Variants in SYNM observed in about 807,000 individuals in gnomAD.
SYNM encodes synemin, also known as desmuslin.
Under a neutral mutation model 104.0 loss-of-function variants are expected in SYNM, and 95 were observed. The observed-to-expected ratio is 0.91, with a 90% CI of 0.77 to 1.08. The LOEUF (loss-of-function observed/expected upper bound fraction) is 1.08. Ranked by LOEUF, SYNM falls within the 50% of genes least tolerant of loss-of-function variation. The probability of loss-of-function intolerance (pLI) is 0.00; values close to 1 mark genes in which losing one functional copy is unlikely to be tolerated. For synonymous variants in SYNM, 918 were observed against 869.0 expected, an observed-to-expected ratio of 1.06 and a Z score of -0.99; for missense variants, 2,150 against 2,052.2, an observed-to-expected ratio of 1.05 and a Z score of -0.92.
chr15:99,119,872 A>AC (rs1555484344), intron 2 of SYNM, among the ~76,000 whole-genome samples: 1 of 152,340 alleles, frequency 6.6e-6, no homozygotes, highest in Non-Finnish European at 1.5e-5. Flanking sequence ...ACATGCGACT[A>AC]CATTTGCTTT....
At position 99,131,621 on chromosome 15, in the gene SYNM, TCA is replaced by T. The variant is rs781852118; in HGVS notation, c.3264_3265del (p.His1088GlnfsTer45). The T allele has an allele frequency of 2.5e-6, 4 of 1,610,652 alleles. No homozygotes were observed. The highest frequency in any genetic ancestry group is 3.4e-6 in the Non-Finnish European group (4 of 1,179,594). ...AGAGCGAGGTTGCTGGTGGGGCCTC[TCA>T]CAGCTCGGGACAGCGCACTCCCCAG... Reference protein sequence around the residue: ...GESEVAGGASHSSGQRTPQGP... With the variant: ...GESEVAGGASXSSGQRTPQGP... On this transcript the variant is annotated frameshift_variant, in exon 4 of 4. Coordinates refer to ENST00000336292, the MANE Select transcript of SYNM (RefSeq NM_145728.3). LOFTEE classifies it high-confidence loss of function. The surrounding 1 kb of genome is among the most constrained non-coding windows in gnomAD (Gnocchi z 4.3).
At chr15:99,127,104 C>T (rs1555485115) in intron 3 of SYNM, among the ~76,000 whole-genome samples, 1 of 152,098 alleles carries the variant, frequency 6.6e-6, no homozygotes, top group African/African-American at 2.4e-5. Context: ...TGTTTCACAC[C>T]CCTGGAAGGG....
rs2067493622 is a variant in SYNM at position 99,130,716 on chromosome 15, G to C, written c.2356G>C (p.Glu786Gln). 6.2e-7 allele frequency: 1 copy of C among 1,613,580 alleles called. No individual in the cohort carries two copies. Among genetic ancestry groups the C allele is most frequent in the African/African-American group, 1.3e-5 (1 of 74,896 alleles). ...VSPGPWGLVKEEEGYGESDVT... is the reference protein window; with the variant it reads ...VSPGPWGLVKQEEGYGESDVT... ...GCCAGGCCCCTGGGGGTTGGTTAAG[G>C]AGGAGGAAGGTTATGGAGAAAGCGA... Residue 786 changes from glutamate to glutamine, a missense_variant, in exon 4 of 4, where the codon GAG becomes CAG. Physicochemically the swap from Glu to Gln is conservative, Grantham distance 29 (BLOSUM62 2). Transcript: ENST00000336292.
chr15:99,139,010 C>T, downstream of SYNM: 1 of 432,132 alleles, frequency 2.3e-6, no homozygotes. Context: ...AGCAGGGCTG[C>T]AGGAGGCCAC....
chr15:99,139,935 C>T (rs2068033074), downstream of SYNM: 3 of 351,508 alleles, frequency 8.5e-6, no homozygotes, highest in Non-Finnish European at 1.6e-5. Context: ...TAAGTCTTGC[C>T]ATTTGATTGC....
chr15:99,127,745 C>T (rs999670486), intron 3 of SYNM, among the ~76,000 whole-genome samples: 4 of 152,170 alleles, frequency 2.6e-5, no homozygotes, highest in African/African-American at 9.7e-5. Context: ...CATCAGTTAA[C>T]GTGTGACATC....
chr15:99,105,307 C>T lies in SYNM; in HGVS notation c.108C>T (p.Asn36=), dbSNP rs782371296. 8 of 1,547,744 alleles carry T rather than the reference C, an allele frequency of 5.2e-6. No homozygotes were observed. The Admixed American group carries it at 7.8e-5, about 15-fold the overall frequency. ...GGGTGCGGGAGCTGGAGCGCGAAAACCTACTCCTGGAGGAGGAGCTGCGCG... is the reference window on the plus strand; with the variant it reads ...GGGTGCGGGAGCTGGAGCGCGAAAATCTACTCCTGGAGGAGGAGCTGCGCG... ...VCRVRELERE[N]LLLEEELRGR... The change falls in exon 1 of 4, where the codon AAC becomes AAT. Residue 36 remains asparagine, a synonymous_variant. Coordinates refer to ENST00000336292, the MANE Select transcript of SYNM (RefSeq NM_145728.3).
chr15:99,138,835 T>C (rs1398207623), downstream of SYNM, among the ~76,000 whole-genome samples: 2 of 152,218 alleles, frequency 1.3e-5, no homozygotes, highest in Admixed American at 6.5e-5. Context: ...CAGGCAGCCC[T>C]GGGGCTGCTC....
At position 99,129,869 on chromosome 15, in the gene SYNM, A is replaced by G. The variant is rs1555485476; in HGVS notation, c.1509A>G (p.Lys503=). 6.2e-7 allele frequency: 1 copy of G among 1,613,578 alleles called. No individual in the cohort carries two copies. Among genetic ancestry groups the G allele is most frequent in the Non-Finnish European group, 8.5e-7 (1 of 1,179,728 alleles). ...TVILGKKTEV[K]ATREQERNRP... is the part of the protein sequence containing the mutation. ...TTCTGGGAAAGAAAACAGAAGTGAAAGCCACGAGGGAGCAAGAAAGAAACA... is the reference window on the plus strand; with the variant it reads ...TTCTGGGAAAGAAAACAGAAGTGAAGGCCACGAGGGAGCAAGAAAGAAACA... The change falls in exon 4 of 4, where the codon AAA becomes AAG. Residue 503 remains lysine (K), a synonymous_variant. Coordinates refer to ENST00000336292, the MANE Select transcript of SYNM (RefSeq NM_145728.3).
intron 3 of SYNM, among the ~76,000 whole-genome samples, chr15:99,128,200 G>T (rs1175250782): frequency 1.3e-5 from 2 of 152,198 alleles, no homozygotes; most frequent in African/African-American, 4.8e-5. Context: ...TAAATATACA[G>T]ATAAGTTCCT....
At position 99,131,958 on chromosome 15, in the gene SYNM, T is replaced by C. The variant is rs782574775; in HGVS notation, c.3598T>C (p.Trp1200Arg). The C allele has an allele frequency of 2.5e-6, 4 of 1,612,410 alleles. No homozygotes were observed. In the South Asian group the frequency reaches 4.4e-5, roughly 18 times the overall value. The change falls in exon 4 of 4, where the codon TGG (tryptophan) becomes CGG (arginine). Residue 1200 changes from tryptophan to arginine, a missense_variant. Coordinates refer to ENST00000336292, the MANE Select transcript of SYNM (RefSeq NM_145728.3). The surrounding 1 kb of genome is among the most constrained non-coding windows in gnomAD (Gnocchi z 4.3). ...CCCTGCCCCTGCCTGTCCAGAGGCA[T>C]GGGGCTCGCCAGAACCTGGCCCAGC... is the stretch of plus-strand genomic sequence containing the variant. ...LGPAPACPEA[W>R]GSPEPGPAES...
At chr15:99,112,398 A>G (rs2067306823) in intron 1 of SYNM, among the ~76,000 whole-genome samples, 1 of 152,260 alleles carries the variant, frequency 6.6e-6, no homozygotes, top group African/African-American at 2.4e-5. Flanking sequence ...GAATAAAACA[A>G]AACTGGAAAT....
chr15:99,109,016 C>A (rs2067275593), intron 1 of SYNM, among the ~76,000 whole-genome samples: 1 of 152,164 alleles, frequency 6.6e-6, no homozygotes, highest in Non-Finnish European at 1.5e-5. Flanking sequence ...TGCCCCCCTC[C>A]CCTGGAGGCA....
At chr15:99,113,098 A>G (rs184871691) in intron 1 of SYNM, among the ~76,000 whole-genome samples, 1 of 152,346 alleles carries the variant, frequency 6.6e-6, no homozygotes, top group African/African-American at 2.4e-5. Flanking sequence ...TAGCTTTTCT[A>G]AGTGAAACAA....
Position 99,134,278 on chromosome 15 carries a change from G to A in SYNM, c.*1220G>A, listed in dbSNP as rs529632524. 2.0e-5 allele frequency: 3 copies of A among 152,002 alleles called. No individual in the cohort carries two copies. Among genetic ancestry groups the A allele is most frequent in the East Asian group, 3.9e-4 (2 of 5,154 alleles). 9.4% of individuals were successfully genotyped at this position (152,002 alleles called of 1,614,324 possible). A position where few individuals can be genotyped will look rare whatever the true frequency, so the allele number is the denominator to read the frequency against. ...AGCCCAGCACCGAGATACCCAGGACGGGCCTGGGGGGCGAGAAAGGCCCCC... is the reference window on the plus strand; with the variant it reads ...AGCCCAGCACCGAGATACCCAGGACAGGCCTGGGGGGCGAGAAAGGCCCCC... On this transcript the variant is annotated 3_prime_UTR_variant, in exon 4 of 4. Coordinates refer to ENST00000336292, the MANE Select transcript of SYNM (RefSeq NM_145728.3).
At position 99,131,513 on chromosome 15, in the gene SYNM, T is replaced by G; in HGVS notation, c.3153T>G (p.Asp1051Glu). 1 of 1,607,294 alleles carries G rather than the reference T, an allele frequency of 6.2e-7. No homozygotes were observed. Among genetic ancestry groups the G allele is most frequent in the South Asian group, 1.1e-5 (1 of 90,892 alleles). The change falls in exon 4 of 4, where the codon GAT (aspartate) becomes GAG (glutamate). Residue 1051 changes from aspartate (D) to glutamate (E), a missense_variant. Transcript: ENST00000336292. This position sits in a 1 kb window ranked among gnomAD's most constrained non-coding sequence, Gnocchi z 4.3. Reference sequence around the variant, plus strand: ...GCAGCCCAGCGCCTGGCAGCCCAGATGAGGAAGGTGGAGCGGAGGCCCCGG... The same window carrying G: ...GCAGCCCAGCGCCTGGCAGCCCAGAGGAGGAAGGTGGAGCGGAGGCCCCGG... ...RQRSPAPGSP[D>E]EEGGAEAPAA... is the part of the protein sequence containing the mutation.
intron 2 of SYNM, among the ~76,000 whole-genome samples, chr15:99,122,857 G>A (rs2067413822): frequency 6.6e-6 from 1 of 152,132 alleles, no homozygotes; most frequent in Non-Finnish European, 1.5e-5. Flanking sequence ...TAAATAAATA[G>A]AATATATAAT....
chr15:99,137,855 G>A, downstream of SYNM: 2 of 1,213,326 alleles, frequency 1.6e-6, no homozygotes, highest in Non-Finnish European at 2.3e-6. Context: ...GCCCACGGGA[G>A]GCTTATGGTC....
chr15:99,130,894 A>G lies in SYNM; in HGVS notation c.2534A>G (p.Asp845Gly). 1.2e-6 allele frequency: 2 copies of G among 1,613,940 alleles called. No individual in the cohort carries two copies. Among genetic ancestry groups the G allele is most frequent in the Non-Finnish European group, 1.7e-6 (2 of 1,179,870 alleles). Reference protein sequence around the residue: ...PDEHPGGHDRDDGSVYGQIHI... With the variant: ...PDEHPGGHDRGDGSVYGQIHI... ...GAACACCCCGGGGGGCACGACAGAGATGACGGCTCGGTGTACGGGCAGATC... is the reference window on the plus strand; with the variant it reads ...GAACACCCCGGGGGGCACGACAGAGGTGACGGCTCGGTGTACGGGCAGATC... Residue 845 changes from aspartate to glycine, a missense_variant, in exon 4 of 4, where the codon GAT becomes GGT. Transcript: ENST00000336292.
Sources: gnomAD v4.1 joint callset for allele counts (sites outside exome capture counted in the v4.1 genomes callset) on GRCh38, gnomAD v4.1.1 for gene constraint, Gnocchi (gnomAD v3.1) non-coding constraint, MANE v1.5 for transcripts, NCBI Gene and HGNC (gene_info 2026-07-23, HGNC 2026-07-21) for gene names.